USP12: variants seen among roughly 807,000 people sequenced by gnomAD.
USP12 encodes ubiquitin specific peptidase 12, also known as ubiquitin carboxyl-terminal hydrolase 12.
In USP12, 19 loss-of-function variants were observed where a neutral mutation model predicts 45.5. The observed-to-expected ratio is 0.42, with a 90% CI of 0.29 to 0.61. The LOEUF (loss-of-function observed/expected upper bound fraction) is 0.61, where lower values mean the gene tolerates loss of function less well. Among genes scored for constraint, USP12 ranks in the 20% least tolerant of loss-of-function variants. The probability of loss-of-function intolerance (pLI) is 0.22; values close to 1 mark genes in which losing one functional copy is unlikely to be tolerated. For synonymous variants in USP12, 149 were observed against 148.8 expected (o/e 1.00, Z -0.01); for missense variants, 242 against 447.7 (o/e 0.54, Z 4.15).
At chr13:27,150,432 G>C (rs1383900678) in intron 1 of USP12, among the ~76,000 whole-genome samples, 1 of 151,986 alleles carries the variant, frequency 6.6e-6, no homozygotes, top group Non-Finnish European at 1.5e-5. Context: ...ATTACTAAAA[G>C]AAATTAAAGG....
At chr13:27,095,436 C>T (rs764178217) in intron 4 of USP12, among the ~76,000 whole-genome samples, 165 bp downstream of exon 4, 5 of 152,200 alleles carry the variant, frequency 3.3e-5, no homozygotes, top group Non-Finnish European at 7.3e-5. Context: ...AGCAACATTA[C>T]ATTAAGAATA....
Position 27,155,284 on chromosome 13 carries a change from T to C in USP12, c.48+16308A>G, listed in dbSNP as rs576853631. 2.8e-3 allele frequency among the ~76,000 whole-genome samples: 419 copies of C among 152,008 alleles called. 1 individual carries two copies. Among genetic ancestry groups the C allele is most frequent in the African/African-American group, 9.6e-3 (400 of 41,454 alleles). ...TTTTAGTAGAGACAGGGTTTCACCATGTTGGCCAAGATGGTCTTGATCTCC... is the reference window on the plus strand; with the variant it reads ...TTTTAGTAGAGACAGGGTTTCACCACGTTGGCCAAGATGGTCTTGATCTCC... On this transcript the variant is annotated intron_variant, in intron 1 of 8. Coordinates refer to ENST00000282344, the MANE Select transcript of USP12 (RefSeq NM_182488.4).
At chr13:27,099,770 A>T (rs1206723846) in intron 3 of USP12, among the ~76,000 whole-genome samples, 1 of 152,216 alleles carries the variant, frequency 6.6e-6, no homozygotes, top group Non-Finnish European at 1.5e-5. Flanking sequence ...AAATACAATA[A>T]TATTAAGAAT....
intron 1 of USP12, among the ~76,000 whole-genome samples, chr13:27,127,309 C>T (rs748001927): frequency 1.1e-4 from 17 of 152,210 alleles, no homozygotes; most frequent in Non-Finnish European, 1.9e-4. Flanking sequence ...AATCAGAAAT[C>T]GGCACAAAGC....
chr13:27,083,615 T>C (rs1364466622), intron 6 of USP12, among the ~76,000 whole-genome samples: 1 of 152,174 alleles, frequency 6.6e-6, no homozygotes, highest in Non-Finnish European at 1.5e-5. Context: ...CTGCTATCTT[T>C]CCTGAACTGC....
chr13:27,099,284 T>G (rs1874746628), intron 3 of USP12, among the ~76,000 whole-genome samples: 1 of 151,918 alleles, frequency 6.6e-6, no homozygotes, highest in African/African-American at 2.4e-5. Flanking sequence ...TTTGCATGCT[T>G]AAAAATAACA....
In USP12 at chr13:27,171,731, G is replaced by T; in HGVS notation, c.-92C>A. 1 of 856,182 alleles carries T rather than the reference G, an allele frequency of 1.2e-6. No individual in the cohort carries two copies. Among genetic ancestry groups the T allele is most frequent in the Non-Finnish European group, 1.5e-6 (1 of 686,748 alleles). 53.0% of individuals were successfully genotyped at this position (856,182 alleles called of 1,614,324 possible). A position where few individuals can be genotyped will look rare whatever the true frequency, so the allele number is the denominator to read the frequency against. On this transcript the variant is annotated 5_prime_UTR_variant, in exon 1 of 9. Transcript: ENST00000282344. ...CGCCCGCTCGCACCGCAGCCCGCGG[G>T]CGGACCCCGAGCCGCCGCGGACCCA...
chr13:27,110,891 C>A (rs1418290446), intron 2 of USP12, among the ~76,000 whole-genome samples: 2 of 151,954 alleles, frequency 1.3e-5, no homozygotes, highest in African/African-American at 4.8e-5. Flanking sequence ...CAACTTCCAC[C>A]GAGCAGGGAG....
intron 2 of USP12, among the ~76,000 whole-genome samples, chr13:27,111,759 T>G (rs936453881): frequency 1.3e-5 from 2 of 152,188 alleles, no homozygotes; most frequent in African/African-American, 4.8e-5. Flanking sequence ...TTTGTCTTAT[T>G]TATTACACAC....
intron 8 of USP12, 80 bp from the exon 9 acceptor site, chr13:27,069,464 A>T: frequency 1.0e-6 from 1 of 973,176 alleles, no homozygotes; most frequent in Non-Finnish European, 1.6e-6. Flanking sequence ...GACTGACAAT[A>T]CCAAGTATTT....
chr13:27,081,507 G>A (rs756388060), intron 6 of USP12, among the ~76,000 whole-genome samples: 3 of 152,126 alleles, frequency 2.0e-5, no homozygotes, highest in African/African-American at 4.8e-5. Context: ...ACTGAAGTTC[G>A]AATCCCTCAA....
intron 3 of USP12, among the ~76,000 whole-genome samples, chr13:27,103,982 T>C (rs1875007237): frequency 6.6e-6 from 1 of 152,076 alleles, no homozygotes; most frequent in African/African-American, 2.4e-5. Context: ...AAGAGAAATG[T>C]ACTATTAAAT....
intron 1 of USP12, among the ~76,000 whole-genome samples, chr13:27,151,162 C>T (rs1197311313): frequency 1.3e-5 from 2 of 151,970 alleles, no homozygotes; most frequent in Admixed American, 6.6e-5. Flanking sequence ...AACCCCATCT[C>T]TACTAAAAAT....
intron 1 of USP12, among the ~76,000 whole-genome samples, chr13:27,162,051 G>A (rs770221258): frequency 5.3e-5 from 8 of 152,084 alleles, no homozygotes; most frequent in African/African-American, 1.7e-4. Context: ...TGTGAGCTCC[G>A]TTACAACTCC....
At chr13:27,109,739 C>T (rs1231520552) in intron 2 of USP12, among the ~76,000 whole-genome samples, 1 of 151,816 alleles carries the variant, frequency 6.6e-6, no homozygotes, top group Non-Finnish European at 1.5e-5. Flanking sequence ...CATGGTGAAA[C>T]CCCGTCTCTA....
At chr13:27,133,025 C>A (rs1490785573) in intron 1 of USP12, among the ~76,000 whole-genome samples, 1 of 152,230 alleles carries the variant, frequency 6.6e-6, no homozygotes. Context: ...CACCAGGGCT[C>A]TCTCAAGAAG....
chr13:27,093,790 G>C (rs1360402685), intron 4 of USP12, among the ~76,000 whole-genome samples: 1 of 152,200 alleles, frequency 6.6e-6, no homozygotes, highest in Non-Finnish European at 1.5e-5. Context: ...TTCAGTAAGT[G>C]AATGAACTTT....
At chr13:27,124,959 G>A (rs1362687699) in intron 1 of USP12, among the ~76,000 whole-genome samples, 1 of 152,178 alleles carries the variant, frequency 6.6e-6, no homozygotes, top group Non-Finnish European at 1.5e-5. Context: ...AGTAGGCCTT[G>A]GGTTATGTGA....
At chr13:27,124,259 C>A (rs1876124351) in intron 1 of USP12, among the ~76,000 whole-genome samples, 2 of 152,128 alleles carry the variant, frequency 1.3e-5, no homozygotes, top group Non-Finnish European at 2.9e-5. Flanking sequence ...AATTCCTTAA[C>A]TTAAAAATCT....
Sources: allele counts gnomAD v4.1 joint callset (sites outside exome capture counted in the v4.1 genomes callset), GRCh38; gene constraint gnomAD v4.1.1; transcripts MANE v1.5; gene names NCBI Gene and HGNC (gene_info 2026-07-23, HGNC 2026-07-21).